The following PLXNB2 variants were observed in gnomAD, a reference collection of about 807,000 sequenced individuals.
PLXNB2 encodes plexin B2, also known as plexin-B2.
A neutral mutation model predicts 202.6 loss-of-function variants in PLXNB2; 85 were observed. The observed-to-expected ratio is 0.42, with a 90% CI of 0.35 to 0.50. PLXNB2 has a LOEUF of 0.50. PLXNB2 is among the 20% of genes least tolerant of loss of function. The pLI is 0.02. For missense variants in PLXNB2, 2,063 were observed against 2,586.2 expected (o/e 0.80, Z 4.39); for synonymous variants, 1,239 against 1,137.6 (o/e 1.09, Z -1.79).
At chr22:50,280,714 G>GGGGC in intron 24 of PLXNB2, 30 bp downstream of exon 24, 4 of 1,528,950 alleles carry the variant, frequency 2.6e-6, no homozygotes, top group East Asian at 2.4e-5. Flanking sequence ...CCACCTGTGT[G>GGGGC]CCCTCCCGCC....
Position 50,284,079 on chromosome 22 carries a change from G to T in PLXNB2, c.2263+53C>A, listed in dbSNP as rs997950234. The T allele has an allele frequency of 8.1e-6, 4 of 491,922 alleles. No homozygotes were observed. The highest frequency in any genetic ancestry group is 1.2e-5 in the Non-Finnish European group (4 of 331,912). 30.5% of individuals were successfully genotyped at this position (491,922 alleles called of 1,614,324 possible). On this transcript the variant is annotated intron_variant, in intron 13 of 36. Coordinates refer to ENST00000359337, the MANE Select transcript of PLXNB2 (RefSeq NM_012401.4). This position sits in a 1 kb window ranked among gnomAD's most constrained non-coding sequence, Gnocchi z 8.0. ...GCGCCCACCTGTCCCCCCACCCACC[G>T]CCTTGTGCCCACCCGTCCCCTGCCC...
In PLXNB2 at chr22:50,285,571, ACAG is replaced by A. The variant is rs2066384655; in HGVS notation, c.2088+226_2088+228del. Among the ~76,000 whole-genome samples the A allele has an allele frequency of 6.2e-4, 2 of 3,224 alleles. 1 individual carries two copies. 2.1% of individuals were successfully genotyped at this position (3,224 alleles called of 152,430 possible). A position where few individuals can be genotyped will look rare whatever the true frequency, so the allele number is the denominator to read the frequency against. On this transcript the variant is annotated intron_variant, in intron 11 of 36. Coordinates refer to ENST00000359337, the MANE Select transcript of PLXNB2 (RefSeq NM_012401.4). Reference sequence around the variant, plus strand: ...CCCTCCGCACCTGAGCCTGCCTGTCACAGCCGGCACCCCTCCCTCCGCACCTGA... The same window carrying A: ...CCCTCCGCACCTGAGCCTGCCTGTCACCGGCACCCCTCCCTCCGCACCTGA...
Position 50,281,551 on chromosome 22 carries a change from T to G in PLXNB2, c.3522+15A>C. The G allele has an allele frequency of 6.2e-7, 1 of 1,608,690 alleles. No individual in the cohort carries two copies. The highest frequency in any genetic ancestry group is 8.5e-7 in the Non-Finnish European group (1 of 1,177,160). On this transcript the variant is annotated intron_variant, in intron 21 of 36. Coordinates refer to ENST00000359337, the MANE Select transcript of PLXNB2 (RefSeq NM_012401.4). ...GTCCCGTGGGGGCACCCCCCGCCAG[T>G]CCCCGCTCACGCACAATGAACTCGG...
intron 30 of PLXNB2, 60 bp downstream of exon 30, chr22:50,278,375 G>C: frequency 6.4e-7 from 1 of 1,561,220 alleles, no homozygotes; most frequent in African/African-American, 1.4e-5. Flanking sequence ...GTCCAGGGCA[G>C]ACATGGTCCA....
In PLXNB2 at chr22:50,286,036, C is replaced by T. The variant is rs369676765; in HGVS notation, c.1940G>A (p.Arg647Gln). 21 of 1,612,278 alleles carry T rather than the reference C, an allele frequency of 1.3e-5. No homozygotes were observed. The highest frequency in any genetic ancestry group is 2.7e-5 in the African/African-American group (2 of 74,944). ...GTCCTCAGGGTTGGGCGAAGCCTCC[C>T]GGCACTCGTGGTAGCGCAGGTCCCA... ...CQWDLRYHECREASPNPEDGI... is the reference protein window; with the variant it reads ...CQWDLRYHECQEASPNPEDGI... The change falls in exon 10 of 37, where the codon CGG becomes CAG. Residue 647 changes from arginine to glutamine, a missense_variant. Physicochemically the swap from Arg to Gln is conservative, Grantham distance 43 (BLOSUM62 1). This residue lies in a region of PLXNB2 where 1,303 missense variants were observed against 1,476.8 expected (regional missense o/e 0.88). Transcript: ENST00000359337.
intron 1 of PLXNB2, among the ~76,000 whole-genome samples, chr22:50,304,367 T>C (rs1335540625): frequency 2.0e-5 from 3 of 151,988 alleles, no homozygotes; most frequent in Non-Finnish European, 2.9e-5. Context: ...GCCCAGCCAA[T>C]CCCTTCACAC....
chr22:50,289,503 A>C lies in PLXNB2; in HGVS notation c.1068+14T>G. The C allele has an allele frequency of 6.3e-7, 1 of 1,598,012 alleles. No homozygotes were observed. The highest frequency in any genetic ancestry group is 8.5e-7 in the Non-Finnish European group (1 of 1,171,874). On this transcript the variant is annotated intron_variant, in intron 3 of 36. Transcript: ENST00000359337. This position sits in a 1 kb window ranked among gnomAD's most constrained non-coding sequence, Gnocchi z 8.0. ...TGCAGTCCGGGCCCTGCGAGAACAC[A>C]CTGAGGCCCATACCGGCGCGTGGCC...
At chr22:50,290,629 C>A in intron 2 of PLXNB2, 32 bp from the exon 3 acceptor site, 1 of 1,513,316 alleles carries the variant, frequency 6.6e-7, no homozygotes, top group Non-Finnish European at 8.8e-7. Context: ...AGGGGAGCCC[C>A]GACCCAGAGG....
intron 6 of PLXNB2, 35 bp downstream of exon 6, chr22:50,287,902 G>T: frequency 2.5e-6 from 4 of 1,580,990 alleles, no homozygotes; most frequent in Non-Finnish European, 3.4e-6. Context: ...GATCCCAGAG[G>T]CAGGCCGTGT....
chr22:50,284,038 CGA>C lies in PLXNB2; in HGVS notation c.2264-50_2264-49del. 1 of 1,523,370 alleles carries C rather than the reference CGA, an allele frequency of 6.6e-7. No homozygotes were observed. The highest frequency in any genetic ancestry group is 8.8e-7 in the Non-Finnish European group (1 of 1,138,628). 94.4% of individuals were successfully genotyped at this position (1,523,370 alleles called of 1,614,324 possible). On this transcript the variant is annotated intron_variant, in intron 13 of 36. Coordinates refer to ENST00000359337, the MANE Select transcript of PLXNB2 (RefSeq NM_012401.4). The surrounding 1 kb of genome is among the most constrained non-coding windows in gnomAD (Gnocchi z 8.0). ...TGGTCACCCCGTGCCTGCCCGCCCC[CGA>C]CCTGCTCCCCACTGCGCCCACCTGT...
chr22:50,282,686 G>A lies in PLXNB2; in HGVS notation c.2987+25C>T, dbSNP rs552582710. On this transcript the variant is annotated intron_variant, in intron 18 of 36. Transcript: ENST00000359337. ...AGGCAGCTGGGTGTGGGGAGCAGAG[G>A]GGGGCGGGGGGACACCAGCCTCACC... is the stretch of plus-strand genomic sequence containing the variant. 42 of 1,548,050 alleles carry A rather than the reference G, an allele frequency of 2.7e-5. No homozygotes were observed. The East Asian group carries it at 4.0e-4, about 15-fold the overall frequency.
Position 50,287,944 on chromosome 22 carries a change from C to G in PLXNB2, c.1474G>C (p.Glu492Gln), listed in dbSNP as rs763707512. 6.3e-7 allele frequency: 1 copy of G among 1,585,482 alleles called. No homozygotes were observed. Among genetic ancestry groups the G allele is most frequent in the Admixed American group, 1.8e-5 (1 of 56,364 alleles). Residue 492 changes from glutamate (E) to glutamine (Q), a missense_variant, in exon 6 of 37, where the codon GAG becomes CAG. Glu to Gln is a conservative substitution (Grantham distance 29, BLOSUM62 2). Around this residue, in one of 2 missense-constraint regions of PLXNB2, gnomAD observed 1,303 missense variants for 1,476.8 expected, o/e 0.88. Transcript: ENST00000359337. Reference protein sequence around the residue: ...QDPYCGWCVVEGRCTRKAECP... With the variant: ...QDPYCGWCVVQGRCTRKAECP... ...GCCACCCCAGGCACTCACCGTCCCTCGACGACGCACCAGCCGCAGTAGGGG... is the reference window on the plus strand; with the variant it reads ...GCCACCCCAGGCACTCACCGTCCCTGGACGACGCACCAGCCGCAGTAGGGG...
intron 1 of PLXNB2, among the ~76,000 whole-genome samples, chr22:50,306,070 C>A (rs1048637572): frequency 1.3e-5 from 2 of 152,250 alleles, no homozygotes; most frequent in Admixed American, 1.3e-4. Context: ...ACGCTGCAGC[C>A]TCCCGCTTCG....
rs561701381 is a variant in PLXNB2, at chr22:50,304,282, T to C, written c.-74+3271A>G. 2.0e-4 allele frequency among the ~76,000 whole-genome samples: 30 copies of C among 152,156 alleles called. No individual in the cohort carries two copies. The East Asian group carries it at 4.8e-3, about 25-fold the overall frequency. On this transcript the variant is annotated intron_variant, in intron 1 of 36. Coordinates refer to ENST00000359337, the MANE Select transcript of PLXNB2 (RefSeq NM_012401.4). Reference sequence around the variant, plus strand: ...GCCTGGGGCCAGTCACTGTCACAGGTTCATGAATCTCACAGGGCAGGGTGG... The same window carrying C: ...GCCTGGGGCCAGTCACTGTCACAGGCTCATGAATCTCACAGGGCAGGGTGG...
chr22:50,280,128 C>A lies in PLXNB2; in HGVS notation c.4176-57G>T, dbSNP rs965437706. ...ACCCCGTAGTATTCCTGAGGCCCAA[C>A]TGACTCCTCCAAGCACCCGGCCACC... is the stretch of plus-strand genomic sequence containing the variant. On this transcript the variant is annotated intron_variant, in intron 25 of 36. Coordinates refer to ENST00000359337, the MANE Select transcript of PLXNB2 (RefSeq NM_012401.4). 5.0e-6 allele frequency: 7 copies of A among 1,407,932 alleles called. No individual in the cohort carries two copies. In the African/African-American group the frequency reaches 5.7e-5, roughly 11 times the overall value. The allele number at this position is 1,407,932 out of a possible 1,614,324, so 87.2% of individuals were successfully genotyped here. A position where few individuals can be genotyped will look rare whatever the true frequency, so the allele number is the denominator to read the frequency against.
Position 50,279,638 on chromosome 22 carries a change from C to T in PLXNB2, c.4381G>A (p.Ala1461Thr), listed in dbSNP as rs758488420. Residue 1461 changes from alanine to threonine, a missense_variant, in exon 27 of 37, where the codon GCA becomes ACA. This residue lies in a region of PLXNB2 where 760 missense variants were observed against 1,109.4 expected (regional missense o/e 0.69). Transcript: ENST00000359337. ...CCACCCCAGAAGCTCACCAGGGGTG[C>T]GTACTCCACATCATCCCCCAGCAGC... ...TGLLGDDVEY[A>T]PLTVSVIVQD... is the part of the protein sequence containing the mutation. 24 of 1,613,548 alleles carry T rather than the reference C, an allele frequency of 1.5e-5. No individual in the cohort carries two copies. In the East Asian group the frequency reaches 3.1e-4, roughly 21 times the overall value.
In PLXNB2 at chr22:50,288,685, G is replaced by A; in HGVS notation, c.1380+58C>T. On this transcript the variant is annotated intron_variant, in intron 5 of 36. Coordinates refer to ENST00000359337, the MANE Select transcript of PLXNB2 (RefSeq NM_012401.4). This position sits in a 1 kb window ranked among gnomAD's most constrained non-coding sequence, Gnocchi z 5.0. ...CCCCAGGCCTGTCCTAAGGGCCTGG[G>A]ATGCAATGACCGGGCACACTTGGCC... 16 of 1,600,758 alleles carry A rather than the reference G, an allele frequency of 1.0e-5. No individual in the cohort carries two copies. Among genetic ancestry groups the A allele is most frequent in the Non-Finnish European group, 1.4e-5 (16 of 1,173,798 alleles).
In PLXNB2 at chr22:50,282,217, C is replaced by A; in HGVS notation, c.3084G>T (p.Pro1028=). ...VIAEPLQSWQ[P]PREAESLQPM... ...GCTGCAGGGATTCAGCCTCCCGCGG[C>A]GGCTGCCAGGACTGCAGGGGCTCCG... Residue 1028 remains proline (P), a synonymous_variant, in exon 19 of 37, where the codon CCG becomes CCT. Transcript: ENST00000359337. 1 of 1,611,762 alleles carries A rather than the reference C, an allele frequency of 6.2e-7. No individual in the cohort carries two copies. The highest frequency in any genetic ancestry group is 8.5e-7 in the Non-Finnish European group (1 of 1,179,596).
Position 50,276,716 on chromosome 22 carries a change from G to A in PLXNB2, c.5262-12C>T, listed in dbSNP as rs757679172. ...TCCCCTTGTAGTAACTGCAGGGGTGGGAGCATCATACAGTGTGGGCGGCAG... is the reference window on the plus strand; with the variant it reads ...TCCCCTTGTAGTAACTGCAGGGGTGAGAGCATCATACAGTGTGGGCGGCAG... On this transcript the variant is annotated splice_polypyrimidine_tract_variant and intron_variant, in intron 34 of 36. Transcript: ENST00000359337. The A allele has an allele frequency of 5.0e-6, 8 of 1,612,704 alleles. No homozygotes were observed. In the East Asian group the frequency reaches 8.9e-5, roughly 18 times the overall value.
Sources: allele counts gnomAD v4.1 joint callset (sites outside exome capture counted in the v4.1 genomes callset), GRCh38; gene constraint gnomAD v4.1.1; regional missense constraint gnomAD v4.1.1; non-coding constraint Gnocchi (gnomAD v3.1); transcripts MANE v1.5; gene names NCBI Gene and HGNC (gene_info 2026-07-23, HGNC 2026-07-21).